LRRC41: variants seen among roughly 807,000 people sequenced by gnomAD.
LRRC41 encodes the protein leucine-rich repeat-containing protein 41.
Under a neutral mutation model 72.1 loss-of-function variants are expected in LRRC41, and 17 were observed. That is an observed-to-expected ratio of 0.24 (90% CI 0.16 to 0.35). The LOEUF is 0.35. LRRC41 is among the 10% of genes least tolerant of loss of function. LRRC41 has a pLI of 1.00. For missense variants in LRRC41, 759 were observed against 1,065.0 expected (o/e 0.71, Z 4.00); for synonymous variants, 427 against 431.0 (o/e 0.99, Z 0.11).
At chr1:46,284,216 G>A (rs745473776) in intron 4 of LRRC41, 8 of 152,306 alleles carry the variant, frequency 5.3e-5, no homozygotes, top group Non-Finnish European at 8.8e-5. Context: ...AGAGGGAGGT[G>A]GTGGTGGCAG....
In LRRC41 at chr1:46,302,107, G is replaced by A; in HGVS notation, c.199+1017C>T. 1.0e-6 allele frequency: 1 copy of A among 985,202 alleles called. No individual in the cohort carries two copies. Among genetic ancestry groups the A allele is most frequent in the Non-Finnish European group, 1.2e-6 (1 of 829,824 alleles). 61.0% of individuals were successfully genotyped at this position (985,202 alleles called of 1,614,324 possible). ...ACTGGCCGGTTCGCCCTCCCCGGCC[G>A]TTCATCCCGGCGCCCCAGGCCGCCC... On this transcript the variant is annotated intron_variant, in intron 1 of 9. Coordinates refer to ENST00000617190, the MANE Select transcript of LRRC41 (RefSeq NM_006369.5). This position sits in a 1 kb window ranked among gnomAD's most constrained non-coding sequence, Gnocchi z 4.7.
At chr1:46,291,552 G>GTTTTTTTTTTT (rs1219656700) in intron 3 of LRRC41, among the ~76,000 whole-genome samples, 1 of 84,942 alleles carries the variant, frequency 1.2e-5, no homozygotes, top group Admixed American at 1.5e-4. Context: ...GCCCCAGCTG[G>GTTTTTTTTTTT]TTTTTTTTTT....
chr1:46,303,292 T>C lies in LRRC41; in HGVS notation c.31A>G (p.Ser11Gly). Residue 11 changes from serine (S) to glycine (G), a missense_variant, in exon 1 of 10, where the codon AGT (serine) becomes GGT (glycine). Ser to Gly is a moderately conservative substitution (Grantham distance 56). Around this residue, in one of 4 missense-constraint regions of LRRC41, gnomAD observed 106 missense variants for 66.1 expected, o/e 1.60. Coordinates refer to ENST00000617190, the MANE Select transcript of LRRC41 (RefSeq NM_006369.5). MAAPEAWRAR[S>G]CWFCEVAAAT... ...GCCGCTACCTCACAGAACCAGCAACTCCGGGCGCGCCAGGCCTCGGGCGCC... is the reference window on the plus strand; with the variant it reads ...GCCGCTACCTCACAGAACCAGCAACCCCGGGCGCGCCAGGCCTCGGGCGCC... The C allele has an allele frequency of 6.5e-7, 1 of 1,539,124 alleles. No individual in the cohort carries two copies.
intron 4 of LRRC41, among the ~76,000 whole-genome samples, chr1:46,283,633 G>T (rs1660824854): frequency 6.6e-6 from 1 of 152,116 alleles, no homozygotes; most frequent in Non-Finnish European, 1.5e-5. Flanking sequence ...CCACAGGAAT[G>T]GATGAAATTG....
rs773102876 is a variant in LRRC41 at position 46,277,791 on chromosome 1, G to A, written c.*1074C>T. The A allele has an allele frequency of 6.3e-7, 1 of 1,585,436 alleles. No individual in the cohort carries two copies. The highest frequency in any genetic ancestry group is 8.7e-7 in the Non-Finnish European group (1 of 1,154,924). On this transcript the variant is annotated 3_prime_UTR_variant, in exon 10 of 10. Coordinates refer to ENST00000617190, the MANE Select transcript of LRRC41 (RefSeq NM_006369.5). ...AGGATGGCTAAGCGCTGTATCTTTT[G>A]ACATTCCCCACCTCCTCTTCCCCAG...
rs767642145 is a variant in LRRC41, at chr1:46,278,745, AAG to A, written c.*118_*119del. On this transcript the variant is annotated 3_prime_UTR_variant, in exon 10 of 10. Transcript: ENST00000617190. ...CCTCAGTGCAAGGGAAGAAGGAAAA[AAG>A]AGAAAAAAGGTGACAGAAAGAGAAA... The A allele has an allele frequency of 3.9e-6, 4 of 1,028,820 alleles. No homozygotes were observed. The South Asian group carries it at 4.5e-5, about 11-fold the overall frequency. 63.7% of individuals were successfully genotyped at this position (1,028,820 alleles called of 1,614,324 possible). A position where few individuals can be genotyped will look rare whatever the true frequency, so the allele number is the denominator to read the frequency against.
In LRRC41 at chr1:46,279,957, A is replaced by C. The variant is rs1334646436; in HGVS notation, c.2020+235T>G. Among the ~76,000 whole-genome samples the C allele has an allele frequency of 6.6e-6, 1 of 152,148 alleles. No homozygotes were observed. The highest frequency in any genetic ancestry group is 1.5e-5 in the Non-Finnish European group (1 of 68,018). The stretch of plus-strand genomic sequence containing the variant: ...TTGCCCCACCACCACCATTTTGTCC[A>C]CCTCTGAAAGGTAAGAGCAACTTTT... On this transcript the variant is annotated intron_variant, in intron 7 of 9. Coordinates refer to ENST00000617190, the MANE Select transcript of LRRC41 (RefSeq NM_006369.5). The surrounding 1 kb of genome is among the most constrained non-coding windows in gnomAD (Gnocchi z 4.5).
At position 46,303,284 on chromosome 1, in the gene LRRC41, C is replaced by T; in HGVS notation, c.39G>A (p.Trp13Ter). Residue 13 changes from tryptophan to a stop codon, truncating the protein, a stop_gained, in exon 1 of 10, where the codon TGG (tryptophan) becomes TGA (stop). Coordinates refer to ENST00000617190, the MANE Select transcript of LRRC41 (RefSeq NM_006369.5). LOFTEE classifies it high-confidence loss of function. ...TCGTTGCCGCCGCTACCTCACAGAA[C>T]CAGCAACTCCGGGCGCGCCAGGCCT... ...APEAWRARSC[W>*]FCEVAAATTM... 1 of 1,542,146 alleles carries T rather than the reference C, an allele frequency of 6.5e-7. No homozygotes were observed. Among genetic ancestry groups the T allele is most frequent in the Non-Finnish European group, 8.7e-7 (1 of 1,144,668 alleles).
In LRRC41 at chr1:46,281,133, T is replaced by C. The variant is rs938329915; in HGVS notation, c.1748A>G (p.Glu583Gly). 1.2e-6 allele frequency: 2 copies of C among 1,613,732 alleles called. No individual in the cohort carries two copies. The highest frequency in any genetic ancestry group is 2.7e-5 in the African/African-American group (2 of 74,928). ...CACACACAGTGCTTCACCTGGTATC[T>C]CCTCATCGCCTATTATGTGGCTAGG... is the stretch of plus-strand genomic sequence containing the variant. The part of the protein sequence containing the change: ...GPPSHIIGDE[E>G]IPENCLEQLE... Residue 583 changes from glutamate (E) to glycine (G), a missense_variant, in exon 5 of 10, where the codon GAG (glutamate) becomes GGG (glycine). Transcript: ENST00000617190.
chr1:46,277,891 G>A lies in LRRC41; in HGVS notation c.*974C>T, dbSNP rs770776928. On this transcript the variant is annotated 3_prime_UTR_variant, in exon 10 of 10. Coordinates refer to ENST00000617190, the MANE Select transcript of LRRC41 (RefSeq NM_006369.5). ...CACTGAGCAGCTGTGTGGTGGATGA[G>A]GAGCAGGATGTAGAGCGCCACTTCT... 6 of 1,614,082 alleles carry A rather than the reference G, an allele frequency of 3.7e-6. No homozygotes were observed. Among genetic ancestry groups the A allele is most frequent in the Admixed American group, 1.7e-5 (1 of 60,028 alleles).
At chr1:46,298,541 T>C in intron 1 of LRRC41, 171 bp from the exon 2 acceptor site, 1 of 474,138 alleles carries the variant, frequency 2.1e-6, no homozygotes, top group Middle Eastern at 5.6e-4. Context: ...AGTCCACTTA[T>C]CTTCAGCCAC....
Position 46,277,810 on chromosome 1 carries a change from T to G in LRRC41, c.*1055A>C. 1 of 1,602,284 alleles carries G rather than the reference T, an allele frequency of 6.2e-7. No individual in the cohort carries two copies. Among genetic ancestry groups the G allele is most frequent in the Non-Finnish European group, 8.5e-7 (1 of 1,169,680 alleles). On this transcript the variant is annotated 3_prime_UTR_variant, in exon 10 of 10. Transcript: ENST00000617190. ...TCTTTTGACATTCCCCACCTCCTCT[T>G]CCCCAGGCAGGGACCATTGAGGAGA...
At chr1:46,289,630 G>A (rs1296764545) in intron 3 of LRRC41, among the ~76,000 whole-genome samples, 1 of 152,092 alleles carries the variant, frequency 6.6e-6, no homozygotes, top group East Asian at 1.9e-4. Context: ...GCGAGGTGGC[G>A]GGTGCCTGTA....
Position 46,303,111 on chromosome 1 carries a change from C to T in LRRC41, c.199+13G>A. ...GCTCTTAGCCAGAGGTAGCCCCTCA[C>T]CCCGCGACTTACCCCACACCCCGCT... On this transcript the variant is annotated intron_variant, in intron 1 of 9. Coordinates refer to ENST00000617190, the MANE Select transcript of LRRC41 (RefSeq NM_006369.5). The T allele has an allele frequency of 1.4e-6, 2 of 1,396,154 alleles. No individual in the cohort carries two copies. The highest frequency in any genetic ancestry group is 9.3e-7 in the Non-Finnish European group (1 of 1,075,538). The allele number at this position is 1,396,154 out of a possible 1,614,324, so 86.5% of individuals were successfully genotyped here. A position where few individuals can be genotyped will look rare whatever the true frequency, so the allele number is the denominator to read the frequency against.
In LRRC41 at chr1:46,277,692, C is replaced by T; in HGVS notation, c.*1173G>A. 9.0e-7 allele frequency: 1 copy of T among 1,111,978 alleles called. No homozygotes were observed. Among genetic ancestry groups the T allele is most frequent in the Non-Finnish European group, 1.3e-6 (1 of 745,020 alleles). 68.9% of individuals were successfully genotyped at this position (1,111,978 alleles called of 1,614,324 possible). A position where few individuals can be genotyped will look rare whatever the true frequency, so the allele number is the denominator to read the frequency against. ...TGAGTAGAGATAATGTTCTGGGACT[C>T]ATACTTTTTATTCATCTCCTCTTCT... is the stretch of plus-strand genomic sequence containing the variant. On this transcript the variant is annotated 3_prime_UTR_variant, in exon 10 of 10. Coordinates refer to ENST00000617190, the MANE Select transcript of LRRC41 (RefSeq NM_006369.5).
At chr1:46,293,054 C>T (rs1471442515) in intron 3 of LRRC41, among the ~76,000 whole-genome samples, 1 of 151,902 alleles carries the variant, frequency 6.6e-6, no homozygotes, top group African/African-American at 2.4e-5. Flanking sequence ...CATGGTGGCA[C>T]GCACTTGTAG....
In LRRC41 at chr1:46,303,444, A is replaced by G; in HGVS notation, c.-122T>C. On this transcript the variant is annotated 5_prime_UTR_variant, in exon 1 of 10. Coordinates refer to ENST00000617190, the MANE Select transcript of LRRC41 (RefSeq NM_006369.5). ...TGTGAATTATTCTAAAGAAATTTCGAAGAAATTAGCACACTTTCCAAGTCT... is the reference window on the plus strand; with the variant it reads ...TGTGAATTATTCTAAAGAAATTTCGGAGAAATTAGCACACTTTCCAAGTCT... 2 of 992,518 alleles carry G rather than the reference A, an allele frequency of 2.0e-6. No individual in the cohort carries two copies. The highest frequency in any genetic ancestry group is 2.9e-6 in the Non-Finnish European group (2 of 699,988). The allele number at this position is 992,518 out of a possible 1,614,324, so 61.5% of individuals were successfully genotyped here.
chr1:46,298,171 A>C, intron 2 of LRRC41, 113 bp downstream of exon 2: 1 of 714,834 alleles, frequency 1.4e-6, no homozygotes, highest in South Asian at 1.9e-5. Context: ...GTGTGAAGGT[A>C]CTTTTTGAAA....
Position 46,285,332 on chromosome 1 carries a change from G to T in LRRC41, c.1495+30C>A. 6.2e-7 allele frequency: 1 copy of T among 1,609,500 alleles called. No individual in the cohort carries two copies. Among genetic ancestry groups the T allele is most frequent in the Non-Finnish European group, 8.5e-7 (1 of 1,177,812 alleles). ...CAGCTGGTGCTGCTAGGCAATCTAA[G>T]CCCAATCCCTGCCACTCCAGGGTGC... is the stretch of plus-strand genomic sequence containing the variant. On this transcript the variant is annotated intron_variant, in intron 4 of 9. Coordinates refer to ENST00000617190, the MANE Select transcript of LRRC41 (RefSeq NM_006369.5). This position sits in a 1 kb window ranked among gnomAD's most constrained non-coding sequence, Gnocchi z 5.3.
Sources: gnomAD v4.1 joint callset for allele counts (sites outside exome capture counted in the v4.1 genomes callset) on GRCh38, gnomAD v4.1.1 for gene constraint, gnomAD v4.1.1 regional missense constraint, Gnocchi (gnomAD v3.1) non-coding constraint, MANE v1.5 for transcripts, NCBI Gene and HGNC (gene_info 2026-07-23, HGNC 2026-07-21) for gene names.